The following SLC8A3 variants were observed in gnomAD, a reference collection of about 807,000 sequenced individuals.
SLC8A3 encodes the protein solute carrier family 8 member A3.
In SLC8A3, 37 loss-of-function variants were observed where a neutral mutation model predicts 65.4. That is an observed-to-expected ratio of 0.57 (90% confidence interval 0.44 to 0.74). The LOEUF is 0.74. Ranked by LOEUF, SLC8A3 falls within the 30% of genes least tolerant of loss-of-function variation. SLC8A3 has a pLI of 0.00. For missense variants in SLC8A3, 1,112 were observed against 1,172.1 expected (o/e 0.95, Z 0.75); for synonymous variants, 461 against 444.5 (o/e 1.04, Z -0.47).
chr14:70,071,933 T>C (rs1005894558), intron 2 of SLC8A3, among the ~76,000 whole-genome samples: 5 of 152,160 alleles, frequency 3.3e-5, no homozygotes, highest in Admixed American at 3.3e-4. Context: ...ACTCCCCTTT[T>C]GCTTTGGTAT....
At chr14:70,162,337 T>C (rs920181646) in intron 2 of SLC8A3, among the ~76,000 whole-genome samples, 19 of 152,212 alleles carry the variant, frequency 1.2e-4, no homozygotes, top group Non-Finnish European at 1.5e-4. Context: ...CTTTCTATCA[T>C]AGCTAGCCAT....
intron 2 of SLC8A3, among the ~76,000 whole-genome samples, chr14:70,092,918 A>C (rs893172310): frequency 6.6e-6 from 1 of 152,228 alleles, no homozygotes; most frequent in Non-Finnish European, 1.5e-5. Context: ...CCTCTAAAAT[A>C]ATATGGACCA....
chr14:70,173,119 C>A (rs185293455), intron 1 of SLC8A3, among the ~76,000 whole-genome samples: 3 of 152,078 alleles, frequency 2.0e-5, no homozygotes, highest in Non-Finnish European at 4.4e-5. Flanking sequence ...ATTCTAAGGG[C>A]AATGAAAAGC....
chr14:70,140,551 C>G (rs563380015), intron 2 of SLC8A3, among the ~76,000 whole-genome samples: 10 of 152,170 alleles, frequency 6.6e-5, no homozygotes, highest in Non-Finnish European at 1.0e-4. Context: ...CTTGCTCCAC[C>G]TCACACCTTG....
At chr14:70,093,752 G>T (rs951658272) in intron 2 of SLC8A3, among the ~76,000 whole-genome samples, 1 of 152,130 alleles carries the variant, frequency 6.6e-6, no homozygotes, top group Non-Finnish European at 1.5e-5. Flanking sequence ...GTCAAACAAA[G>T]CTTCTTGACA....
intron 2 of SLC8A3, among the ~76,000 whole-genome samples, chr14:70,118,200 T>C (rs1018350626): frequency 3.3e-5 from 5 of 152,206 alleles, no homozygotes; most frequent in Admixed American, 6.5e-5. Flanking sequence ...TGTATCCTGC[T>C]CTTTAAGATG....
chr14:70,073,939 T>C (rs1276368222), intron 2 of SLC8A3, among the ~76,000 whole-genome samples: 1 of 152,198 alleles, frequency 6.6e-6, no homozygotes, highest in Non-Finnish European at 1.5e-5. Flanking sequence ...TCCTTGTAAA[T>C]AGCAAATCCA....
At position 70,046,256 on chromosome 14, in the gene SLC8A3, C is replaced by G; in HGVS notation, c.2457G>C (p.Thr819=). The G allele has an allele frequency of 6.2e-7, 1 of 1,614,154 alleles. No individual in the cohort carries two copies. The change falls in exon 7 of 7, where the codon ACG becomes ACC. Residue 819 remains threonine, a synonymous_variant. Coordinates refer to ENST00000356921, the MANE Select transcript of SLC8A3 (RefSeq NM_182932.3). This position sits in a 1 kb window ranked among gnomAD's most constrained non-coding sequence, Gnocchi z 4.2. ...VYADASIGNV[T]GSNAVNVFLG... The stretch of plus-strand genomic sequence containing the variant: ...GGAAGACATTGACGGCGTTGCTGCC[C>G]GTCACGTTGCCAATGGAGGCGTCTG...
At chr14:70,125,205 A>G (rs1894360628) in intron 2 of SLC8A3, among the ~76,000 whole-genome samples, 1 of 152,162 alleles carries the variant, frequency 6.6e-6, no homozygotes, top group Non-Finnish European at 1.5e-5. Context: ...TAAGGGGTGT[A>G]AGGGCAATTT....
chr14:70,139,746 G>C (rs1190210951), intron 2 of SLC8A3, among the ~76,000 whole-genome samples: 3 of 152,216 alleles, frequency 2.0e-5, no homozygotes, highest in East Asian at 1.9e-4. Context: ...GCCCCCGGGA[G>C]AGGGGTTAGA....
chr14:70,080,570 G>A (rs1890967040), intron 2 of SLC8A3, among the ~76,000 whole-genome samples: 1 of 152,196 alleles, frequency 6.6e-6, no homozygotes, highest in Admixed American at 6.5e-5. Flanking sequence ...GACAGCAAAT[G>A]GGGTTGGGTG....
In SLC8A3 at chr14:70,046,165, C is replaced by T. The variant is rs369443101; in HGVS notation, c.2548G>A (p.Val850Met). 3.7e-6 allele frequency: 6 copies of T among 1,614,064 alleles called. No homozygotes were observed. Among genetic ancestry groups the T allele is most frequent in the African/African-American group, 2.7e-5 (2 of 74,934 alleles). The change falls in exon 7 of 7, where the codon GTG becomes ATG. Residue 850 changes from valine (V) to methionine (M), a missense_variant. Coordinates refer to ENST00000356921, the MANE Select transcript of SLC8A3 (RefSeq NM_182932.3). This position sits in a 1 kb window ranked among gnomAD's most constrained non-coding sequence, Gnocchi z 4.2. ...GAGAAGGCCAGTGTGCCGGCCGACA[C>T]GTGGAACTCCTGTCCCTGCAGAGCC... ...YWALQGQEFH[V>M]SAGTLAFSVT...
intron 1 of SLC8A3, among the ~76,000 whole-genome samples, chr14:70,180,787 G>A (rs1030800305): frequency 1.3e-5 from 2 of 152,160 alleles, no homozygotes; most frequent in Non-Finnish European, 1.5e-5. Context: ...GTCATTCTGC[G>A]AATGCCCTAG....
At chr14:70,153,818 A>G (rs1896418799) in intron 2 of SLC8A3, among the ~76,000 whole-genome samples, 1 of 152,192 alleles carries the variant, frequency 6.6e-6, no homozygotes, top group South Asian at 2.1e-4. Flanking sequence ...TGCCCCGTCT[A>G]GCCCTTGATC....
intron 2 of SLC8A3, among the ~76,000 whole-genome samples, chr14:70,097,213 T>A (rs1197164035): frequency 6.6e-6 from 1 of 151,264 alleles, no homozygotes; most frequent in Non-Finnish European, 1.5e-5. Context: ...AGAGTCAGAA[T>A]GAAATTTGTG....
intron 2 of SLC8A3, among the ~76,000 whole-genome samples, chr14:70,083,879 T>G (rs1891237681): frequency 6.6e-6 from 1 of 151,756 alleles, no homozygotes; most frequent in Non-Finnish European, 1.5e-5. Flanking sequence ...ACCTGGACAT[T>G]CCGGAGGCAA....
At chr14:70,174,154 C>T (rs1897719608) in intron 1 of SLC8A3, among the ~76,000 whole-genome samples, 1 of 152,214 alleles carries the variant, frequency 6.6e-6, no homozygotes, top group East Asian at 1.9e-4. Context: ...GTGCTTGACA[C>T]ATACCCTAGG....
chr14:70,109,674 G>A (rs1355435569), intron 2 of SLC8A3, among the ~76,000 whole-genome samples: 3 of 151,820 alleles, frequency 2.0e-5, no homozygotes, highest in Non-Finnish European at 4.4e-5. Flanking sequence ...AGCTGGTCTC[G>A]AAAAGTCCTA....
At chr14:70,116,659 A>G (rs1218972889) in intron 2 of SLC8A3, among the ~76,000 whole-genome samples, 1 of 152,146 alleles carries the variant, frequency 6.6e-6, no homozygotes, top group Non-Finnish European at 1.5e-5. Context: ...GGTAATTCCC[A>G]GTAAGTTTTC....
Sources: allele counts gnomAD v4.1 joint callset (sites outside exome capture counted in the v4.1 genomes callset), GRCh38; gene constraint gnomAD v4.1.1; non-coding constraint Gnocchi (gnomAD v3.1); transcripts MANE v1.5; gene names NCBI Gene and HGNC (gene_info 2026-07-23, HGNC 2026-07-21).